RNF216: variants seen among roughly 807,000 people sequenced by gnomAD.
The protein encoded by RNF216 is ring finger protein 216, also known as E3 ubiquitin-protein ligase RNF216.
Under a neutral mutation model 110.8 loss-of-function variants are expected in RNF216, and 72 were observed. The observed-to-expected ratio is 0.65, with a 90% CI of 0.54 to 0.79. The LOEUF (loss-of-function observed/expected upper bound fraction) is 0.79. RNF216 is among the 30% of genes least tolerant of loss of function. The pLI, the probability that RNF216 is intolerant of heterozygous loss-of-function variation, is 0.00. For synonymous variants in RNF216, 495 were observed against 407.5 expected (o/e 1.21, Z -2.59); for missense variants, 1,342 against 1,141.2 (o/e 1.18, Z -2.54).
intron 13 of RNF216, among the ~76,000 whole-genome samples, chr7:5,654,141 G>A (rs532645130): frequency 6.6e-6 from 1 of 152,144 alleles, no homozygotes; most frequent in Non-Finnish European, 1.5e-5. Flanking sequence ...ACTCAGGAGA[G>A]AGGCCATGAA....
intron 1 of RNF216, among the ~76,000 whole-genome samples, chr7:5,778,141 G>A (rs1314284876): frequency 3.3e-5 from 5 of 152,076 alleles, no homozygotes; most frequent in African/African-American, 1.2e-4. Flanking sequence ...TCCTTACCAT[G>A]GCCTACAAAA....
intron 13 of RNF216, among the ~76,000 whole-genome samples, chr7:5,654,335 A>G (rs894753141): frequency 3.3e-5 from 5 of 152,158 alleles, no homozygotes; most frequent in Non-Finnish European, 4.4e-5. Context: ...AAAATGGAAC[A>G]GAATGCTGAG....
At chr7:5,685,275 C>T (rs918604264) in intron 13 of RNF216, among the ~76,000 whole-genome samples, 8 of 152,184 alleles carry the variant, frequency 5.3e-5, no homozygotes, top group Middle Eastern at 6.8e-3. Flanking sequence ...CTCCTTTTTG[C>T]TCCAGAGCCT....
chr7:5,670,075 C>T (rs946173195), intron 13 of RNF216, among the ~76,000 whole-genome samples: 2 of 152,062 alleles, frequency 1.3e-5, no homozygotes, highest in African/African-American at 4.8e-5. Context: ...TACAGGCACG[C>T]ACCACCATGC....
rs755545978 is a variant in RNF216 at position 5,716,001 on chromosome 7, G to A, written c.1695+715C>T. On this transcript the variant is annotated intron_variant, in intron 10 of 16. Coordinates refer to ENST00000389902, the MANE Select transcript of RNF216 (RefSeq NM_207111.4). ...CGTGATGTGCCTGCCTTGGCCTTCC[G>A]AAGTGCTGGGATTACAGGAGTGAGC... is the stretch of plus-strand genomic sequence containing the variant. Among the ~76,000 whole-genome samples, 18 of 152,046 alleles carry A rather than the reference G, an allele frequency of 1.2e-4. 1 individual carries two copies. Among genetic ancestry groups the A allele is most frequent in the South Asian group, 4.2e-4 (2 of 4,818 alleles).
chr7:5,738,087 C>CAAAAAAAAAAAAA (rs200643372), intron 5 of RNF216, among the ~76,000 whole-genome samples: 3 of 111,004 alleles, frequency 2.7e-5, no homozygotes, highest in African/African-American at 1.2e-4. Flanking sequence ...AGACTGTCTC[C>CAAAAAAAAAAAAA]AAAAAAAAAA....
chr7:5,628,082 G>C (rs964588617), intron 15 of RNF216, among the ~76,000 whole-genome samples: 1 of 152,132 alleles, frequency 6.6e-6, no homozygotes, highest in African/African-American at 2.4e-5. Flanking sequence ...GTTCTTCCTG[G>C]AGAGGAAGAG....
At chr7:5,735,382 GAACTT>G (rs1238044968) in intron 5 of RNF216, among the ~76,000 whole-genome samples, 2 of 152,016 alleles carry the variant, frequency 1.3e-5, no homozygotes, top group Non-Finnish European at 2.9e-5. Flanking sequence ...TGATTCCCAA[GAACTT>G]AACATATCAG....
At chr7:5,636,411 T>C (rs1787399176) in intron 15 of RNF216, among the ~76,000 whole-genome samples, 1 of 152,236 alleles carries the variant, frequency 6.6e-6, no homozygotes, top group Non-Finnish European at 1.5e-5. Flanking sequence ...GAGCTCTTAC[T>C]GTGGAGTGGT....
At chr7:5,727,763 T>C (rs1426269951) in intron 7 of RNF216, among the ~76,000 whole-genome samples, 1 of 151,868 alleles carries the variant, frequency 6.6e-6, no homozygotes, top group Non-Finnish European at 1.5e-5. Flanking sequence ...ATGATAATAA[T>C]ACAGACTGCT....
intron 1 of RNF216, among the ~76,000 whole-genome samples, chr7:5,764,929 G>C (rs953495710): frequency 2.6e-5 from 4 of 151,952 alleles, no homozygotes; most frequent in Non-Finnish European, 5.9e-5. Flanking sequence ...AATTAGTTGG[G>C]CATGGTGGCA....
chr7:5,738,087 C>CAAAAAAAAAAAAAAAAAAAA (rs200643372), intron 5 of RNF216, among the ~76,000 whole-genome samples: 1 of 111,004 alleles, frequency 9.0e-6, no homozygotes, highest in African/African-American at 4.0e-5. Flanking sequence ...AGACTGTCTC[C>CAAAAAAAAAAAAAAAAAAAA]AAAAAAAAAA....
At chr7:5,733,932 A>G (rs145562709) in intron 5 of RNF216, among the ~76,000 whole-genome samples, 77 of 152,358 alleles carry the variant, frequency 5.1e-4, no homozygotes, top group Middle Eastern at 6.8e-3. Context: ...AAATGTAGTC[A>G]TTGCTGCTCA....
Position 5,624,046 on chromosome 7 carries a change from G to C in RNF216, c.2452+10C>G. 1.9e-6 allele frequency: 3 copies of C among 1,611,950 alleles called. No individual in the cohort carries two copies. In the South Asian group the frequency reaches 3.3e-5, roughly 18 times the overall value. On this transcript the variant is annotated intron_variant, in intron 16 of 16. Coordinates refer to ENST00000389902, the MANE Select transcript of RNF216 (RefSeq NM_207111.4). The surrounding 1 kb of genome is among the most constrained non-coding windows in gnomAD (Gnocchi z 4.4). ...TGCTCTGTCCTGGGGGCCTGGGGAG[G>C]GGCACTTGCCTCCATTCTTTCTTTT... is the stretch of plus-strand genomic sequence containing the variant.
intron 13 of RNF216, among the ~76,000 whole-genome samples, chr7:5,661,918 C>G (rs1260055261): frequency 6.6e-6 from 1 of 152,248 alleles, no homozygotes; most frequent in Non-Finnish European, 1.5e-5. Flanking sequence ...TCCACTTGCT[C>G]TTACTCTAGT....
rs757802792 is a variant in RNF216 at position 5,641,278 on chromosome 7, C to A, written c.2258G>T (p.Gly753Val). Residue 753 changes from glycine to valine, a missense_variant, in exon 15 of 17, where the codon GGT (glycine) becomes GTT (valine). Gly to Val is a moderately radical substitution (Grantham distance 109). Coordinates refer to ENST00000389902, the MANE Select transcript of RNF216 (RefSeq NM_207111.4). ...EGCNRMSCRC[G>V]AQMCYLCRVS... Reference sequence around the variant, plus strand: ...TCGACAGAGGTAGCACATCTGGGCACCACAGCGGCAAGACATGCGGTTGCA... The same window carrying A: ...TCGACAGAGGTAGCACATCTGGGCAACACAGCGGCAAGACATGCGGTTGCA... 1 of 1,613,986 alleles carries A rather than the reference C, an allele frequency of 6.2e-7. No homozygotes were observed. Among genetic ancestry groups the A allele is most frequent in the African/African-American group, 1.3e-5 (1 of 74,890 alleles).
At chr7:5,649,320 A>G (rs1178220826) in intron 14 of RNF216, among the ~76,000 whole-genome samples, 1 of 151,136 alleles carries the variant, frequency 6.6e-6, no homozygotes, top group Non-Finnish European at 1.5e-5. Context: ...TGAACCTGGG[A>G]GGCGGAGGTC....
chr7:5,720,111 A>G (rs1274677834), intron 9 of RNF216, among the ~76,000 whole-genome samples: 1 of 152,228 alleles, frequency 6.6e-6, no homozygotes, highest in African/African-American at 2.4e-5. Context: ...GATTCATGCC[A>G]AGGCACCACT....
chr7:5,721,839 TG>T (rs1247777578), intron 8 of RNF216, among the ~76,000 whole-genome samples: 1 of 152,232 alleles, frequency 6.6e-6, no homozygotes, highest in Non-Finnish European at 1.5e-5. Context: ...TATTATAACA[TG>T]AGAATAAAAG....
Sources: gnomAD v4.1 joint callset for allele counts (sites outside exome capture counted in the v4.1 genomes callset) on GRCh38, gnomAD v4.1.1 for gene constraint, Gnocchi (gnomAD v3.1) non-coding constraint, MANE v1.5 for transcripts, NCBI Gene and HGNC (gene_info 2026-07-23, HGNC 2026-07-21) for gene names.